Variants in IGF2BP2 observed in about 807,000 individuals in gnomAD.
IGF2BP2 encodes insulin like growth factor 2 mRNA binding protein 2.
IGF2BP2 carries 17 observed loss-of-function variants against 75.8 expected under a neutral mutation model. The observed-to-expected ratio is 0.22, with a 90% CI of 0.15 to 0.34. The LOEUF (loss-of-function observed/expected upper bound fraction) is 0.34, where lower values mean the gene tolerates loss of function less well. IGF2BP2 is among the 10% of genes least tolerant of loss of function. The pLI is 1.00. For missense variants in IGF2BP2, 516 were observed against 772.4 expected (o/e 0.67, Z 3.93); for synonymous variants, 288 against 295.6 (o/e 0.97, Z 0.26).
At chr3:185,800,132 A>G (rs1321976764) in intron 2 of IGF2BP2, among the ~76,000 whole-genome samples, 1 of 152,228 alleles carries the variant, frequency 6.6e-6, no homozygotes, top group Non-Finnish European at 1.5e-5. Context: ...TTGCAGGGAC[A>G]TGGATGAAGC....
At chr3:185,664,771 A>G (rs892590009) in intron 10 of IGF2BP2, among the ~76,000 whole-genome samples, 8 of 152,170 alleles carry the variant, frequency 5.3e-5, no homozygotes, top group Admixed American at 2.6e-4. Flanking sequence ...AAGTGGACAG[A>G]CACAAAGAGT....
intron 4 of IGF2BP2, among the ~76,000 whole-genome samples, chr3:185,694,415 T>C (rs1468571186): frequency 6.6e-6 from 1 of 152,248 alleles, no homozygotes. Context: ...TCTTCAAAGA[T>C]GTTAGTCTTC....
At chr3:185,738,246 A>G (rs1729101193) in intron 2 of IGF2BP2, among the ~76,000 whole-genome samples, 1 of 152,220 alleles carries the variant, frequency 6.6e-6, no homozygotes, top group Admixed American at 6.5e-5. Flanking sequence ...CTGAGTGCCT[A>G]TTATTTTCCA....
At chr3:185,698,242 G>A (rs544707145) in intron 3 of IGF2BP2, 57 bp downstream of exon 3, 1 of 1,468,480 alleles carries the variant, frequency 6.8e-7, no homozygotes, top group African/African-American at 1.4e-5. Flanking sequence ...AATGTAAAAT[G>A]GAACTAAAGA....
At chr3:185,809,067 T>C (rs1739441588) in intron 2 of IGF2BP2, among the ~76,000 whole-genome samples, 2 of 152,142 alleles carry the variant, frequency 1.3e-5, no homozygotes, top group Admixed American at 1.3e-4. Context: ...ACCTATTATA[T>C]TGCAATAAGC....
chr3:185,735,379 C>A (rs187533950), intron 2 of IGF2BP2, among the ~76,000 whole-genome samples: 1 of 152,316 alleles, frequency 6.6e-6, no homozygotes, highest in Non-Finnish European at 1.5e-5. Flanking sequence ...CTCCTGACTT[C>A]AGGTGATCCA....
chr3:185,815,246 T>C (rs1740449503), intron 2 of IGF2BP2, among the ~76,000 whole-genome samples: 1 of 152,236 alleles, frequency 6.6e-6, no homozygotes, highest in Non-Finnish European at 1.5e-5. Flanking sequence ...TTTTAATTCT[T>C]TTCAATTATA....
rs1715803480 is a variant in IGF2BP2, at chr3:185,658,349, G to A, written c.1261C>T (p.His421Tyr). The A allele has an allele frequency of 3.1e-6, 5 of 1,613,878 alleles. No homozygotes were observed. The highest frequency in any genetic ancestry group is 4.2e-6 in the Non-Finnish European group (5 of 1,179,816). ...ACTGAGGGGGCACTTACAGAGTGAT[G>A]ATGCGGGAACGGGCCAAACTGGTGA... Reference protein sequence around the residue: ...PHHQFGPFPHHHSYPEQEIVN... With the variant: ...PHHQFGPFPHYHSYPEQEIVN... The change falls in exon 11 of 16, where the codon CAT becomes TAT. Residue 421 changes from histidine to tyrosine, a missense_variant. This residue lies in a region of IGF2BP2 where 75 missense variants were observed against 67.4 expected (regional missense o/e 1.11). Coordinates refer to ENST00000382199, the MANE Select transcript of IGF2BP2 (RefSeq NM_006548.6).
At chr3:185,784,052 T>A (rs1031292198) in intron 2 of IGF2BP2, among the ~76,000 whole-genome samples, 4 of 152,090 alleles carry the variant, frequency 2.6e-5, no homozygotes, top group Non-Finnish European at 5.9e-5. Context: ...CTAGCCAACA[T>A]GGTGAACTTC....
In IGF2BP2 at chr3:185,643,245, G is replaced by A. The variant is rs1183361492; in HGVS notation, c.*2286C>T. On this transcript the variant is annotated 3_prime_UTR_variant, in exon 16 of 16. Transcript: ENST00000382199. ...ACTAGTGAGCTTCCCGTGGAGGCGTGAAGTGCCTCTTCCCGGAACTGCCGG... is the reference window on the plus strand; with the variant it reads ...ACTAGTGAGCTTCCCGTGGAGGCGTAAAGTGCCTCTTCCCGGAACTGCCGG... Among the ~76,000 whole-genome samples, 1 of 152,182 alleles carries A rather than the reference G, an allele frequency of 6.6e-6. No homozygotes were observed. Among genetic ancestry groups the A allele is most frequent in the Non-Finnish European group, 1.5e-5 (1 of 68,036 alleles).
intron 2 of IGF2BP2, among the ~76,000 whole-genome samples, chr3:185,822,800 A>ACTC (rs1006122482): frequency 7.5e-5 from 11 of 147,504 alleles, no homozygotes; most frequent in African/African-American, 2.7e-4. Flanking sequence ...TTCACATCTC[A>ACTC]CAGGAAGTCT....
intron 2 of IGF2BP2, among the ~76,000 whole-genome samples, chr3:185,809,779 GAAGA>G (rs1289345773): frequency 6.6e-6 from 1 of 152,108 alleles, no homozygotes; most frequent in Admixed American, 6.5e-5. Context: ...GAAAAGGGAA[GAAGA>G]AATAAAAGTA....
intron 2 of IGF2BP2, among the ~76,000 whole-genome samples, chr3:185,788,076 C>T (rs1736132692): frequency 6.6e-6 from 1 of 152,048 alleles, no homozygotes. Context: ...ATCAAAGTAC[C>T]CTCTGTTCCT....
Position 185,657,605 on chromosome 3 carries a change from C to T in IGF2BP2, c.1270-203G>A, listed in dbSNP as rs139456371. ...CCTGAGGAAGGGACCTGAGCACAGG[C>T]AGCGCTAGTGATAATCAAGGGCATC... is the stretch of plus-strand genomic sequence containing the variant. On this transcript the variant is annotated intron_variant, in intron 11 of 15. Coordinates refer to ENST00000382199, the MANE Select transcript of IGF2BP2 (RefSeq NM_006548.6). Among the ~76,000 whole-genome samples the T allele has an allele frequency of 3.2e-3, 492 of 152,340 alleles. 5 individuals are homozygous for T. Among genetic ancestry groups the T allele is most frequent in the African/African-American group, 0.011 (461 of 41,576 alleles).
intron 2 of IGF2BP2, chr3:185,722,245 TC>T: frequency 2.2e-6 from 1 of 456,292 alleles, no homozygotes; most frequent in Non-Finnish European, 4.4e-6. Context: ...CAAGTGTTTA[TC>T]CCCATTCCAT....
At position 185,658,406 on chromosome 3, in the gene IGF2BP2, G is replaced by A. The variant is rs747451333; in HGVS notation, c.1204C>T (p.His402Tyr). The change falls in exon 11 of 16, where the codon CAC (histidine) becomes TAC (tyrosine). Residue 402 changes from histidine to tyrosine, a missense_variant. His to Tyr is a moderately conservative substitution (Grantham distance 83). Around this residue, in one of 3 missense-constraint regions of IGF2BP2, gnomAD observed 75 missense variants for 67.4 expected, o/e 1.11. Coordinates refer to ENST00000382199, the MANE Select transcript of IGF2BP2 (RefSeq NM_006548.6). ...PAAPYHPFTT[H>Y]SGYFSSLYPH... Reference sequence around the variant, plus strand: ...TACAGGCTGGAGAAGTATCCGGAGTGGGTCTGCAGCATGAGAGAAAGAGTC... The same window carrying A: ...TACAGGCTGGAGAAGTATCCGGAGTAGGTCTGCAGCATGAGAGAAAGAGTC... 3.1e-6 allele frequency: 5 copies of A among 1,613,600 alleles called. No homozygotes were observed. Among genetic ancestry groups the A allele is most frequent in the East Asian group, 4.5e-5 (2 of 44,848 alleles).
rs1387019006 is a variant in IGF2BP2 at position 185,697,093 on chromosome 3, GT to G, written c.289-431del. Among the ~76,000 whole-genome samples, 9 of 148,660 alleles carry G rather than the reference GT, an allele frequency of 6.1e-5. No homozygotes were observed. In the South Asian group the frequency reaches 1.9e-3, roughly 31 times the overall value. On this transcript the variant is annotated intron_variant, in intron 3 of 15. Coordinates refer to ENST00000382199, the MANE Select transcript of IGF2BP2 (RefSeq NM_006548.6). Reference sequence around the variant, plus strand: ...GTTTGAAATGTTCCATAATAATCAGGTTTTTTGTTTTGTTTTGTTTTGTTTG... The same window carrying G: ...GTTTGAAATGTTCCATAATAATCAGGTTTTTGTTTTGTTTTGTTTTGTTTG...
chr3:185,752,348 A>G (rs1382798493), intron 2 of IGF2BP2, among the ~76,000 whole-genome samples: 1 of 152,162 alleles, frequency 6.6e-6, no homozygotes, highest in Non-Finnish European at 1.5e-5. Flanking sequence ...TTGTGAACAG[A>G]CTTTCTTAAT....
chr3:185,722,114 TG>T, intron 2 of IGF2BP2: 67 of 335,334 alleles, frequency 2.0e-4, no homozygotes, highest in Middle Eastern at 8.7e-4. Flanking sequence ...TTTTTTTTTT[TG>T]TAGAGAGAGT....
Sources: allele counts gnomAD v4.1 joint callset (sites outside exome capture counted in the v4.1 genomes callset), GRCh38; gene constraint gnomAD v4.1.1; regional missense constraint gnomAD v4.1.1; transcripts MANE v1.5; gene names NCBI Gene and HGNC (gene_info 2026-07-23, HGNC 2026-07-21).